STOX2: variants seen among roughly 807,000 people sequenced by gnomAD.
STOX2 encodes the protein storkhead box 2.
STOX2 carries 28 observed loss-of-function variants against 60.9 expected under a neutral mutation model. That is an observed-to-expected ratio of 0.46 (90% CI 0.34 to 0.63). The LOEUF (loss-of-function observed/expected upper bound fraction) is 0.63. Among genes scored for constraint, STOX2 ranks in the 30% least tolerant of loss-of-function variants. The pLI is 0.01. For missense variants in STOX2, 1,024 were observed against 1,187.7 expected (o/e 0.86, Z 2.03); for synonymous variants, 472 against 463.9 (o/e 1.02, Z -0.22).
intron 1 of STOX2, among the ~76,000 whole-genome samples, chr4:183,923,636 ATTCT>A (rs1229693667): frequency 1.3e-5 from 2 of 152,172 alleles, no homozygotes; most frequent in African/African-American, 4.8e-5. Context: ...TACACTTGTG[ATTCT>A]TTAAGTTTTA....
intron 1 of STOX2, among the ~76,000 whole-genome samples, chr4:183,888,426 C>T (rs1198162103): frequency 2.6e-5 from 4 of 152,164 alleles, no homozygotes; most frequent in African/African-American, 7.2e-5. Context: ...GTGGCTAGCG[C>T]ACTTTACCTA....
intron 1 of STOX2, among the ~76,000 whole-genome samples, chr4:183,871,843 C>T (rs376037618): frequency 6.8e-5 from 10 of 146,892 alleles, no homozygotes; most frequent in East Asian, 5.9e-4. Context: ...CATTCAATAC[C>T]AAAAAAAAAA....
chr4:183,940,694 T>C (rs1415863622), intron 1 of STOX2, among the ~76,000 whole-genome samples: 1 of 152,262 alleles, frequency 6.6e-6, no homozygotes, highest in East Asian at 1.9e-4. Flanking sequence ...TTTGGTTGTA[T>C]AAAATTTACC....
intron 1 of STOX2, among the ~76,000 whole-genome samples, chr4:183,820,030 T>C (rs1209238403): frequency 6.6e-6 from 1 of 152,210 alleles, no homozygotes; most frequent in African/African-American, 2.4e-5. Flanking sequence ...ATAGTTCTTC[T>C]TTTACTCTCT....
In STOX2 at chr4:184,011,767, A is replaced by G. The variant is rs763952264; in HGVS notation, c.2585+344A>G. 3 of 539,808 alleles carry G rather than the reference A, an allele frequency of 5.6e-6. No homozygotes were observed. The highest frequency in any genetic ancestry group is 5.7e-6 in the Non-Finnish European group (2 of 349,896). 33.4% of individuals were successfully genotyped at this position (539,808 alleles called of 1,614,324 possible). A position where few individuals can be genotyped will look rare whatever the true frequency, so the allele number is the denominator to read the frequency against. ...GATGTTTTTTAAGTCCTTCAAAAAT[A>G]GTAACTTTTTGAGTAGAATAAATAG... is the stretch of plus-strand genomic sequence containing the variant. On this transcript the variant is annotated intron_variant, in intron 3 of 3. Transcript: ENST00000308497. The surrounding 1 kb of genome is among the most constrained non-coding windows in gnomAD (Gnocchi z 4.4).
chr4:183,838,848 A>G (rs1434646088), intron 1 of STOX2, among the ~76,000 whole-genome samples: 1 of 152,176 alleles, frequency 6.6e-6, no homozygotes, highest in Non-Finnish European at 1.5e-5. Flanking sequence ...GTGGTTACAC[A>G]CTCATCACCA....
chr4:183,915,032 T>C (rs1436217639), intron 1 of STOX2, among the ~76,000 whole-genome samples: 1 of 152,234 alleles, frequency 6.6e-6, no homozygotes, highest in Non-Finnish European at 1.5e-5. Flanking sequence ...CATATACCTA[T>C]CCCGTTGAAA....
intron 1 of STOX2, among the ~76,000 whole-genome samples, chr4:183,917,212 G>A (rs952426031): frequency 1.3e-5 from 2 of 152,192 alleles, no homozygotes; most frequent in Non-Finnish European, 2.9e-5. Flanking sequence ...CTAACCATAT[G>A]CGTGGTTGAT....
chr4:183,976,298 C>T (rs776457178), intron 1 of STOX2, among the ~76,000 whole-genome samples: 6 of 151,742 alleles, frequency 4.0e-5, no homozygotes, highest in African/African-American at 4.9e-5. Flanking sequence ...GGCAACAGAG[C>T]GAGACTGCGT....
chr4:183,838,190 T>C (rs1055238909), intron 1 of STOX2, among the ~76,000 whole-genome samples: 3 of 150,406 alleles, frequency 2.0e-5, no homozygotes, highest in Admixed American at 6.6e-5. Flanking sequence ...TATTGAAATA[T>C]TTAAATAATT....
chr4:183,838,847 C>T (rs1424928389), intron 1 of STOX2, among the ~76,000 whole-genome samples: 2 of 152,218 alleles, frequency 1.3e-5, no homozygotes, highest in Non-Finnish European at 2.9e-5. Context: ...CGTGGTTACA[C>T]ACTCATCACC....
chr4:183,826,740 TAGA>T (rs1367138604), intron 1 of STOX2, among the ~76,000 whole-genome samples: 6 of 152,190 alleles, frequency 3.9e-5, no homozygotes, highest in Non-Finnish European at 8.8e-5. Context: ...GTCCACTACA[TAGA>T]ATGTGTTTGG....
rs142149800 is a variant in STOX2, at chr4:183,865,387, G to A, written c.364+67332G>A. 6.6e-5 allele frequency among the ~76,000 whole-genome samples: 10 copies of A among 152,238 alleles called. No homozygotes were observed. Among genetic ancestry groups the A allele is most frequent in the African/African-American group, 2.4e-4 (10 of 41,512 alleles). ...TGAGTTAGGCAGAGACTATAGAAAA[G>A]GCATGAACAATTACTATAGAAACTG... On this transcript the variant is annotated intron_variant, in intron 1 of 2. Transcript: ENST00000513034. The surrounding 1 kb of genome is among the most constrained non-coding windows in gnomAD (Gnocchi z 4.1).
At chr4:183,937,791 T>A (rs915970233) in intron 1 of STOX2, among the ~76,000 whole-genome samples, 11 of 152,098 alleles carry the variant, frequency 7.2e-5, no homozygotes, top group Admixed American at 5.2e-4. Context: ...TGAAAAAAAA[T>A]TTGGAATTGA....
intron 1 of STOX2, among the ~76,000 whole-genome samples, chr4:183,888,754 A>C (rs1741140092): frequency 6.6e-6 from 1 of 152,118 alleles, no homozygotes; most frequent in South Asian, 2.1e-4. Context: ...TGCTCCTGTT[A>C]ATGAGCATTA....
At chr4:183,950,541 G>A (rs1194985681) in intron 1 of STOX2, among the ~76,000 whole-genome samples, 3 of 152,216 alleles carry the variant, frequency 2.0e-5, no homozygotes, top group Non-Finnish European at 2.9e-5. Flanking sequence ...ATGGAAAGAA[G>A]AGACAGTGCC....
intron 1 of STOX2, among the ~76,000 whole-genome samples, chr4:183,822,540 C>A (rs1430274283): frequency 6.6e-6 from 1 of 152,238 alleles, no homozygotes; most frequent in Non-Finnish European, 1.5e-5. Context: ...GCATTAGATT[C>A]TCATAAGGAG....
intron 1 of STOX2, among the ~76,000 whole-genome samples, chr4:183,936,800 A>T (rs1742603922): frequency 6.6e-6 from 1 of 152,224 alleles, no homozygotes; most frequent in Non-Finnish European, 1.5e-5. Context: ...TCAAAACTTC[A>T]TCAGTACTAT....
chr4:183,954,392 G>A (rs1156458661), intron 1 of STOX2, among the ~76,000 whole-genome samples: 7 of 151,978 alleles, frequency 4.6e-5, no homozygotes, highest in African/African-American at 9.7e-5. Context: ...AGGTTCAAGC[G>A]ATTCTCTTGC....
Sources: allele counts gnomAD v4.1 joint callset (sites outside exome capture counted in the v4.1 genomes callset), GRCh38; gene constraint gnomAD v4.1.1; non-coding constraint Gnocchi (gnomAD v3.1); transcripts MANE v1.5; gene names NCBI Gene and HGNC (gene_info 2026-07-23, HGNC 2026-07-21).